The following CHI3L2 variants were observed in gnomAD, a reference collection of about 807,000 sequenced individuals.
CHI3L2 encodes chitinase 3 like 2.
In CHI3L2, 47 loss-of-function variants were observed where a neutral mutation model predicts 47.3. That is an observed-to-expected ratio of 0.99 (90% CI 0.79 to 1.27). The LOEUF (loss-of-function observed/expected upper bound fraction) is 1.27, where lower values mean the gene tolerates loss of function less well. Ranked by LOEUF, CHI3L2 falls within the 50% of genes most tolerant of loss-of-function variation. The probability of loss-of-function intolerance (pLI) is 0.00; values close to 1 mark genes in which losing one functional copy is unlikely to be tolerated. For missense variants in CHI3L2, 497 were observed against 462.1 expected (o/e 1.08, Z -0.69); for synonymous variants, 198 against 169.9 (o/e 1.17, Z -1.28).
intron 7 of CHI3L2, among the ~76,000 whole-genome samples, chr1:111,238,227 G>A (rs974881578): frequency 2.6e-5 from 4 of 152,188 alleles, no homozygotes; most frequent in South Asian, 2.1e-4. Flanking sequence ...ATGTCCTCAG[G>A]ATCTCCTGAG....
intron 8 of CHI3L2, chr1:111,239,186 G>A (rs751370860): frequency 3.4e-5 from 13 of 379,280 alleles, no homozygotes; most frequent in African/African-American, 1.1e-4. Flanking sequence ...AGGAGAGTGC[G>A]AGAAATTGAA....
chr1:111,241,225 A>T, intron 8 of CHI3L2, 102 bp from the exon 9 acceptor site: 1 of 771,264 alleles, frequency 1.3e-6, no homozygotes, highest in Non-Finnish European at 2.4e-6. Flanking sequence ...AAAGGTTCTG[A>T]TATTTTCCCC....
intron 2 of CHI3L2, 42 bp from the exon 3 acceptor site, chr1:111,230,700 A>G (rs1433887956): frequency 6.6e-7 from 1 of 1,523,774 alleles, no homozygotes; most frequent in East Asian, 2.3e-5. Flanking sequence ...ACTCTAAGGC[A>G]ACAGCCCTAG....
At chr1:111,228,709 C>T (rs1659601393) in intron 1 of CHI3L2, among the ~76,000 whole-genome samples, 1 of 152,232 alleles carries the variant, frequency 6.6e-6, no homozygotes, top group South Asian at 2.1e-4. Flanking sequence ...GCTCCAGCAG[C>T]TGTGTCATTG....
intron 8 of CHI3L2, chr1:111,239,305 C>A: frequency 5.4e-6 from 1 of 184,388 alleles, no homozygotes; most frequent in Admixed American, 6.3e-5. Flanking sequence ...TGGTCCTGCT[C>A]ATGAGATCAG....
chr1:111,231,665 G>A (rs185763361), intron 4 of CHI3L2, among the ~76,000 whole-genome samples: 11 of 152,324 alleles, frequency 7.2e-5, no homozygotes, highest in Admixed American at 3.9e-4. Flanking sequence ...TTTGTGCCCC[G>A]GGGTGGGTTG....
intron 8 of CHI3L2, among the ~76,000 whole-genome samples, chr1:111,240,193 G>GT (rs1660006598): frequency 6.6e-6 from 1 of 152,218 alleles, no homozygotes; most frequent in African/African-American, 2.4e-5. Context: ...ACCTCTCATT[G>GT]TGAGTGTGAA....
intron 8 of CHI3L2, chr1:111,239,163 T>G: frequency 2.2e-6 from 1 of 452,446 alleles, no homozygotes; most frequent in Non-Finnish European, 3.8e-6. Flanking sequence ...TAGCCAGGAA[T>G]GGGGATAGGC....
chr1:111,243,043 G>A (rs1188785936), intron 10 of CHI3L2, among the ~76,000 whole-genome samples, 174 bp from the exon 11 acceptor site: 1 of 152,324 alleles, frequency 6.6e-6, no homozygotes, highest in East Asian at 1.9e-4. Context: ...ACTGCAGACA[G>A]ACAACTAAAA....
Position 111,241,520 on chromosome 1 carries a change from CAA to C in CHI3L2, c.1035+79_1035+80del, listed in dbSNP as rs1448573758. The C allele has an allele frequency of 1.0e-5, 8 of 771,542 alleles. No homozygotes were observed. In the Admixed American group the frequency reaches 1.1e-4, roughly 10 times the overall value. The allele number at this position is 771,542 out of a possible 1,614,324, so 47.8% of individuals were successfully genotyped here. On this transcript the variant is annotated intron_variant, in intron 9 of 10. Transcript: ENST00000369748. ...GTAAAATGCCTGAATACTCTATGTT[CAA>C]AGAGAGAAGCTTCTGAGGCCCCAGA...
At chr1:111,229,684 A>C in intron 1 of CHI3L2, 168 bp from the exon 2 acceptor site, 1 of 516,888 alleles carries the variant, frequency 1.9e-6, no homozygotes. Flanking sequence ...TCCGTCTCAA[A>C]AAAAAAAAAA....
intron 7 of CHI3L2, among the ~76,000 whole-genome samples, chr1:111,238,314 T>C (rs1045636814): frequency 2.6e-5 from 4 of 152,206 alleles, no homozygotes; most frequent in Admixed American, 6.5e-5. Flanking sequence ...AGTTTGACTC[T>C]TTACGTTGAC....
intron 4 of CHI3L2, among the ~76,000 whole-genome samples, chr1:111,232,499 CT>C (rs758464290): frequency 4.6e-5 from 7 of 152,116 alleles, no homozygotes; most frequent in Non-Finnish European, 1.0e-4. Flanking sequence ...TTGTCAAGTT[CT>C]TTATGTCTGT....
intron 4 of CHI3L2, among the ~76,000 whole-genome samples, chr1:111,233,135 T>A (rs572003851): frequency 4.6e-5 from 7 of 152,208 alleles, no homozygotes; most frequent in Middle Eastern, 3.2e-3. Flanking sequence ...GTGCCCTTGG[T>A]GTGGGCATCT....
chr1:111,227,841 T>A, intron 1 of CHI3L2, 72 bp downstream of exon 1: 1 of 1,424,032 alleles, frequency 7.0e-7, no homozygotes, highest in Non-Finnish European at 9.9e-7. Context: ...GTAGAAGAAG[T>A]AATCTTCCTC....
intron 7 of CHI3L2, 42 bp from the exon 8 acceptor site, chr1:111,238,708 C>A (rs1659956802): frequency 6.2e-7 from 1 of 1,602,562 alleles, no homozygotes. Flanking sequence ...TGACACCTTT[C>A]TTTCCCCACA....
chr1:111,239,925 C>T (rs1659998277), intron 8 of CHI3L2, among the ~76,000 whole-genome samples: 1 of 152,124 alleles, frequency 6.6e-6, no homozygotes, highest in African/African-American at 2.4e-5. Flanking sequence ...GAAATACAGA[C>T]ATAGCTAGTT....
At chr1:111,228,232 A>C (rs147288109) in intron 1 of CHI3L2, among the ~76,000 whole-genome samples, 2 of 152,318 alleles carry the variant, frequency 1.3e-5, no homozygotes, top group African/African-American at 4.8e-5. Context: ...GTTCTGATCC[A>C]AAACTCTGGC....
rs1659965720 is a variant in CHI3L2 at position 111,238,901 on chromosome 1, C to G, written c.887C>G (p.Thr296Arg). ...GGCCCTGGAGCTGCTGGACCCATCA[C>G]AGAGTCTTCAGGCTTCCTGGCCTAT... ...ASGPGAAGPI[T>R]ESSGFLAYYE... is the part of the protein sequence containing the mutation. Residue 296 changes from threonine to arginine, a missense_variant, in exon 8 of 11, where the codon ACA (threonine) becomes AGA (arginine). Transcript: ENST00000369748. 6.2e-7 allele frequency: 1 copy of G among 1,609,464 alleles called. No individual in the cohort carries two copies.
Sources: allele counts gnomAD v4.1 joint callset (sites outside exome capture counted in the v4.1 genomes callset), GRCh38; gene constraint gnomAD v4.1.1; transcripts MANE v1.5; gene names NCBI Gene and HGNC (gene_info 2026-07-23, HGNC 2026-07-21).